The following CSMD1 variants were observed in gnomAD, a reference collection of about 807,000 sequenced individuals.
CSMD1 encodes CUB and sushi domain-containing protein 1.
CSMD1 carries 213 observed loss-of-function variants against 417.5 expected under a neutral mutation model. That is an observed-to-expected ratio of 0.51 (90% confidence interval 0.46 to 0.57). CSMD1 has a LOEUF of 0.57. Among genes scored for constraint, CSMD1 ranks in the 20% least tolerant of loss-of-function variants. CSMD1 has a pLI of 0.00. For missense variants in CSMD1, 6,923 were observed against 4,529.7 expected (o/e 1.53, Z -15.17); for synonymous variants, 2,862 against 1,736.8 (o/e 1.65, Z -16.11).
At chr8:3,890,051 A>T in intron 5 of CSMD1, among the ~76,000 whole-genome samples, 1 of 152,112 alleles carries the variant, frequency 6.6e-6, no homozygotes, top group African/African-American at 2.4e-5. Flanking sequence ...AAGTTTCTGA[A>T]TCCCAATTTA....
At chr8:3,432,132 G>C (rs1375250840) in intron 12 of CSMD1, among the ~76,000 whole-genome samples, 3 of 152,156 alleles carry the variant, frequency 2.0e-5, no homozygotes, top group South Asian at 2.1e-4. Context: ...TTACCAGAAA[G>C]ATGACTCAGT....
chr8:4,739,866 G>C (rs1810489816), intron 1 of CSMD1, among the ~76,000 whole-genome samples: 1 of 152,012 alleles, frequency 6.6e-6, no homozygotes. Context: ...TCTTCCCAGA[G>C]GGATCTTTCT....
At chr8:3,662,646 T>C (rs1798478397) in intron 7 of CSMD1, among the ~76,000 whole-genome samples, 1 of 152,164 alleles carries the variant, frequency 6.6e-6, no homozygotes, top group South Asian at 2.1e-4. Flanking sequence ...AATACACCAT[T>C]TTTTATGCAG....
intron 11 of CSMD1, among the ~76,000 whole-genome samples, chr8:3,476,431 A>AT (rs1817427729): frequency 6.6e-6 from 1 of 152,084 alleles, no homozygotes; most frequent in South Asian, 2.1e-4. Context: ...ATGGTATAAA[A>AT]TTTTTCTAGG....
intron 7 of CSMD1, among the ~76,000 whole-genome samples, chr8:3,647,458 A>C (rs1165379405): frequency 1.3e-5 from 2 of 152,236 alleles, no homozygotes; most frequent in African/African-American, 2.4e-5. Flanking sequence ...GAAATACAGC[A>C]TAGAGAAAAA....
chr8:3,722,543 T>C (rs1802246828), intron 6 of CSMD1, among the ~76,000 whole-genome samples: 1 of 152,198 alleles, frequency 6.6e-6, no homozygotes, highest in African/African-American at 2.4e-5. Context: ...CTATAACCCT[T>C]CTTACCTCTT....
chr8:4,522,036 A>T (rs1212982707), intron 2 of CSMD1, among the ~76,000 whole-genome samples: 2 of 152,134 alleles, frequency 1.3e-5, no homozygotes, highest in Non-Finnish European at 2.9e-5. Flanking sequence ...GGAGTCATTG[A>T]TACGGTTTGG....
intron 2 of CSMD1, among the ~76,000 whole-genome samples, chr8:4,496,825 A>G (rs1373146569): frequency 4.6e-5 from 7 of 152,188 alleles, no homozygotes; most frequent in Admixed American, 4.6e-4. Flanking sequence ...TGGGTAATCA[A>G]GGTTTAGAAA....
chr8:3,727,530 G>A (rs1162641438), intron 6 of CSMD1, among the ~76,000 whole-genome samples: 2 of 152,190 alleles, frequency 1.3e-5, no homozygotes, highest in African/African-American at 2.4e-5. Context: ...GTAAAATGAG[G>A]CAGCTGTCGT....
chr8:4,039,045 G>T (rs145673687), intron 3 of CSMD1, among the ~76,000 whole-genome samples: 1 of 113,000 alleles, frequency 8.8e-6, no homozygotes, highest in Non-Finnish European at 1.8e-5. Context: ...AAAAGTGAAA[G>T]CATGATACTA....
At chr8:4,924,534 C>T (rs1296251197) in intron 1 of CSMD1, among the ~76,000 whole-genome samples, 1 of 151,932 alleles carries the variant, frequency 6.6e-6, no homozygotes, top group Non-Finnish European at 1.5e-5. Context: ...ACCAGCCTGG[C>T]CAACATGGCA....
At chr8:3,474,195 G>C (rs575243692) in intron 11 of CSMD1, among the ~76,000 whole-genome samples, 132 of 152,280 alleles carry the variant, frequency 8.7e-4, no homozygotes, top group African/African-American at 2.6e-3. Flanking sequence ...CTGTGCATGT[G>C]AGGTTTATTG....
intron 65 of CSMD1, among the ~76,000 whole-genome samples, chr8:2,953,641 A>C (rs1802797394): frequency 1.3e-5 from 2 of 152,214 alleles, no homozygotes; most frequent in South Asian, 4.1e-4. Flanking sequence ...ATGCCAGATG[A>C]TTTTGTATAG....
intron 33 of CSMD1, among the ~76,000 whole-genome samples, chr8:3,192,844 G>T (rs912164966): frequency 6.6e-6 from 1 of 151,968 alleles, no homozygotes; most frequent in Admixed American, 6.6e-5. Context: ...TCAGATTAGG[G>T]ATGCTCAATC....
At chr8:4,601,317 T>G (rs1380682207) in intron 2 of CSMD1, among the ~76,000 whole-genome samples, 3 of 152,278 alleles carry the variant, frequency 2.0e-5, no homozygotes, top group East Asian at 1.9e-4. Flanking sequence ...AGCAAAAGTT[T>G]GGAAGTCCCC....
At chr8:4,075,029 A>G (rs1450786867) in intron 3 of CSMD1, among the ~76,000 whole-genome samples, 1 of 152,186 alleles carries the variant, frequency 6.6e-6, no homozygotes, top group Non-Finnish European at 1.5e-5. Context: ...TCACTGTAAT[A>G]ACCCCAGTAT....
chr8:4,128,123 G>A (rs756459533), intron 3 of CSMD1, among the ~76,000 whole-genome samples: 2 of 152,198 alleles, frequency 1.3e-5, no homozygotes, highest in Admixed American at 1.3e-4. Context: ...ACACTGTCAG[G>A]CCAGCACTCC....
At chr8:3,554,063 G>A (rs959985011) in intron 10 of CSMD1, among the ~76,000 whole-genome samples, 1 of 152,218 alleles carries the variant, frequency 6.6e-6, no homozygotes, top group African/African-American at 2.4e-5. Flanking sequence ...GGATGTGGAT[G>A]TGTGTGCTCG....
At chr8:4,218,277 T>C (rs879552918) in intron 3 of CSMD1, among the ~76,000 whole-genome samples, 1 of 152,210 alleles carries the variant, frequency 6.6e-6, no homozygotes, top group Non-Finnish European at 1.5e-5. Flanking sequence ...ACAATAGCAA[T>C]ACATCCAAGT....
Sources: gnomAD v4.1 joint callset for allele counts (sites outside exome capture counted in the v4.1 genomes callset) on GRCh38, gnomAD v4.1.1 for gene constraint, MANE v1.5 for transcripts, NCBI Gene and HGNC (gene_info 2026-07-23, HGNC 2026-07-21) for gene names.